Variants in ANO2 observed in about 807,000 individuals in gnomAD.
The protein encoded by ANO2 is anoctamin 2, also known as anoctamin-2.
Under a neutral mutation model 124.2 loss-of-function variants are expected in ANO2, and 101 were observed. The observed-to-expected ratio is 0.81, with a 90% confidence interval of 0.69 to 0.96. ANO2 has a LOEUF of 0.96. Among genes scored for constraint, ANO2 ranks in the 40% least tolerant of loss-of-function variants. The pLI, the probability that ANO2 is intolerant of heterozygous loss-of-function variation, is 0.00. For missense variants in ANO2, 1,293 were observed against 1,274.5 expected (o/e 1.01, Z -0.22); for synonymous variants, 486 against 482.5 (o/e 1.01, Z -0.09).
chr12:5,775,695 T>G (rs1435743930), intron 10 of ANO2, among the ~76,000 whole-genome samples: 1 of 152,140 alleles, frequency 6.6e-6, no homozygotes, highest in Non-Finnish European at 1.5e-5. Flanking sequence ...TCTTCTGACC[T>G]CGTGATCCAC....
intron 10 of ANO2, among the ~76,000 whole-genome samples, chr12:5,753,094 C>T (rs1951485929): frequency 6.6e-6 from 1 of 152,252 alleles, no homozygotes; most frequent in African/African-American, 2.4e-5. Context: ...AGGTTAAGGA[C>T]ATGCCTGGAA....
chr12:5,815,513 T>C (rs550254006), intron 7 of ANO2, among the ~76,000 whole-genome samples: 2 of 152,260 alleles, frequency 1.3e-5, no homozygotes, highest in African/African-American at 2.4e-5. Flanking sequence ...GGAGAATATA[T>C]GTAGACATGT....
intron 10 of ANO2, among the ~76,000 whole-genome samples, chr12:5,766,978 C>T (rs952730287): frequency 6.6e-6 from 1 of 152,210 alleles, no homozygotes; most frequent in Non-Finnish European, 1.5e-5. Context: ...GGAGGCCTAA[C>T]AATGGCTGCA....
intron 12 of ANO2, among the ~76,000 whole-genome samples, chr12:5,742,078 C>T (rs1296517635): frequency 6.6e-6 from 1 of 152,142 alleles, no homozygotes; most frequent in Admixed American, 6.5e-5. Flanking sequence ...GGTGAGCCAA[C>T]AGACTTGGGT....
chr12:5,700,253 G>A (rs2137026640), intron 14 of ANO2, among the ~76,000 whole-genome samples: 1 of 152,336 alleles, frequency 6.6e-6, no homozygotes. Context: ...TCAGACCACA[G>A]TGCAATCAAA....
rs564016772 is a variant in ANO2 at position 5,878,819 on chromosome 12, C to T, written c.535-24678G>A. Among the ~76,000 whole-genome samples, 20 of 152,298 alleles carry T rather than the reference C, an allele frequency of 1.3e-4. No homozygotes were observed. In the East Asian group the frequency reaches 3.9e-3, roughly 29 times the overall value. ...AAAGGCAGCACTGAGATGTGAGACT[C>T]CCTGAAGAAACACACTGTCCAGTAG... is the stretch of plus-strand genomic sequence containing the variant. On this transcript the variant is annotated intron_variant, in intron 3 of 24. Coordinates refer to ENST00000682330, the MANE Select transcript of ANO2 (RefSeq NM_001364791.2).
intron 14 of ANO2, among the ~76,000 whole-genome samples, chr12:5,717,460 A>G (rs1469524481): frequency 6.6e-6 from 1 of 152,236 alleles, no homozygotes; most frequent in African/African-American, 2.4e-5. Context: ...TAAAGAGATT[A>G]GAGATGTAGA....
intron 23 of ANO2, among the ~76,000 whole-genome samples, chr12:5,569,325 C>A (rs1004690296): frequency 6.6e-6 from 1 of 150,636 alleles, no homozygotes; most frequent in African/African-American, 2.4e-5. Flanking sequence ...GGTGAGCCCC[C>A]ACAACTGGTC....
At position 5,799,539 on chromosome 12, in the gene ANO2, C is replaced by T. The variant is rs1319283200; in HGVS notation, c.1023G>A (p.Val341=). The T allele has an allele frequency of 6.2e-7, 1 of 1,613,964 alleles. No individual in the cohort carries two copies. The highest frequency in any genetic ancestry group is 1.1e-5 in the South Asian group (1 of 91,050). The change falls in exon 10 of 25, where the codon GTG becomes GTA. Residue 341 remains valine (V), a synonymous_variant. Coordinates refer to ENST00000682330, the MANE Select transcript of ANO2 (RefSeq NM_001364791.2). ...LLYQEWARYG[V]FYKFQPIDLI... The stretch of plus-strand genomic sequence containing the variant: ...GGTCAATAGGTTGGAACTTATAGAA[C>T]ACTCCATAGCGCGCCCATTCTTGAT...
At chr12:5,915,019 C>T (rs550721036) in intron 3 of ANO2, among the ~76,000 whole-genome samples, 10 of 152,330 alleles carry the variant, frequency 6.6e-5, no homozygotes, top group Admixed American at 6.5e-4. Flanking sequence ...CACCCACTCG[C>T]AGTCCCGCCA....
intron 10 of ANO2, among the ~76,000 whole-genome samples, chr12:5,773,899 C>T (rs1423977089): frequency 6.6e-6 from 1 of 152,166 alleles, no homozygotes; most frequent in Non-Finnish European, 1.5e-5. Context: ...GTTAGTGTCA[C>T]TGTTAAATGA....
intron 15 of ANO2, among the ~76,000 whole-genome samples, chr12:5,639,335 C>T (rs1946212112): frequency 2.6e-5 from 4 of 152,166 alleles, no homozygotes; most frequent in Non-Finnish European, 5.9e-5. Context: ...CCCATTCAGT[C>T]ATTCATAAAA....
intron 3 of ANO2, among the ~76,000 whole-genome samples, chr12:5,877,095 G>A (rs1309013921): frequency 6.6e-6 from 1 of 152,192 alleles, no homozygotes; most frequent in African/African-American, 2.4e-5. Context: ...TGTCCATGCA[G>A]AACCTCATAA....
intron 16 of ANO2, among the ~76,000 whole-genome samples, chr12:5,634,837 C>T (rs959183777): frequency 5.3e-5 from 8 of 152,208 alleles, no homozygotes; most frequent in African/African-American, 1.9e-4. Context: ...GTCTGCCTTG[C>T]TTCCCAGGTT....
chr12:5,910,031 T>C (rs1209374563), intron 3 of ANO2, among the ~76,000 whole-genome samples: 4 of 152,234 alleles, frequency 2.6e-5, no homozygotes, highest in African/African-American at 9.7e-5. Flanking sequence ...ATTTGTGATA[T>C]AGTAATAGAC....
intron 1 of ANO2, among the ~76,000 whole-genome samples, chr12:5,923,119 CACACACACCCACATACACACACAT>C (rs1286035915): frequency 2.9e-4 from 12 of 41,588 alleles, no homozygotes; most frequent in African/African-American, 4.5e-4. Flanking sequence ...CACATGCACG[CACACACACCCACATACACACACAT>C]GCACACATAC....
chr12:5,912,837 G>A (rs1941134527), intron 3 of ANO2, among the ~76,000 whole-genome samples: 1 of 152,218 alleles, frequency 6.6e-6, no homozygotes, highest in Non-Finnish European at 1.5e-5. Context: ...CCAGTCATTA[G>A]TGTGAGCAGC....
intron 3 of ANO2, among the ~76,000 whole-genome samples, chr12:5,857,643 T>C (rs1174294869): frequency 6.6e-6 from 1 of 152,242 alleles, no homozygotes; most frequent in East Asian, 1.9e-4. Flanking sequence ...CATTTTTTCA[T>C]ATACCTGTTG....
chr12:5,640,354 A>AC (rs1946276333), intron 15 of ANO2, among the ~76,000 whole-genome samples: 1 of 152,106 alleles, frequency 6.6e-6, no homozygotes, highest in South Asian at 2.1e-4. Context: ...TCTAAGCACC[A>AC]CCCTGACCCC....
Sources: allele counts gnomAD v4.1 joint callset (sites outside exome capture counted in the v4.1 genomes callset), GRCh38; gene constraint gnomAD v4.1.1; transcripts MANE v1.5; gene names NCBI Gene and HGNC (gene_info 2026-07-23, HGNC 2026-07-21).